ATP9A: variants seen among roughly 807,000 people sequenced by gnomAD.
ATP9A encodes the protein ATPase phospholipid transporting 9A, also known as probable phospholipid-transporting ATPase IIA.
Under a neutral mutation model 144.1 loss-of-function variants are expected in ATP9A, and 52 were observed. The observed-to-expected ratio is 0.36, with a 90% CI of 0.29 to 0.45. ATP9A has a LOEUF of 0.45. ATP9A is among the 20% of genes least tolerant of loss of function. The pLI, the probability that ATP9A is intolerant of heterozygous loss-of-function variation, is 1.00. For missense variants in ATP9A, 947 were observed against 1,392.7 expected (o/e 0.68, Z 5.09); for synonymous variants, 582 against 557.4 (o/e 1.04, Z -0.62).
rs193227091 is a variant in ATP9A at position 51,684,846 on chromosome 20, T to A, written c.799+4218A>T. On this transcript the variant is annotated intron_variant, in intron 9 of 27. Coordinates refer to ENST00000338821, the MANE Select transcript of ATP9A (RefSeq NM_006045.3). ...TAACAAGGTGAAACCCCGTCTCTAC[T>A]AAAAACACAAAAAAATTAGCCTGGC... 7.5e-4 allele frequency among the ~76,000 whole-genome samples: 113 copies of A among 149,740 alleles called. 1 individual carries two copies. The highest frequency in any genetic ancestry group is 2.7e-3 in the African/African-American group (110 of 40,764).
intron 11 of ATP9A, 37 bp from the exon 12 acceptor site, chr20:51,671,294 A>G (rs576367785): frequency 6.2e-7 from 1 of 1,602,982 alleles, no homozygotes; most frequent in Non-Finnish European, 8.5e-7. Context: ...CTAACAGGAC[A>G]GATGTAAGGC....
chr20:51,669,779 T>C (rs1158815243), intron 13 of ATP9A, among the ~76,000 whole-genome samples: 1 of 152,010 alleles, frequency 6.6e-6, no homozygotes, highest in Admixed American at 6.6e-5. Flanking sequence ...AAGGGAGGTA[T>C]TGGGGAGTGA....
chr20:51,667,675 G>A (rs1056477873), intron 13 of ATP9A, among the ~76,000 whole-genome samples: 13 of 152,080 alleles, frequency 8.5e-5, no homozygotes, highest in Admixed American at 1.3e-4. Context: ...AAGGAAAGCC[G>A]GGCAGCTACT....
At chr20:51,756,687 G>A (rs1174773135) in intron 1 of ATP9A, among the ~76,000 whole-genome samples, 1 of 152,114 alleles carries the variant, frequency 6.6e-6, no homozygotes, top group Admixed American at 6.6e-5. Flanking sequence ...CCTCTTTAAA[G>A]GCCCCCTGTC....
chr20:51,603,393 G>A (rs2077150565), intron 27 of ATP9A, among the ~76,000 whole-genome samples: 1 of 152,144 alleles, frequency 6.6e-6, no homozygotes, highest in Non-Finnish European at 1.5e-5. Flanking sequence ...TCTATCCACA[G>A]CACAACACAG....
chr20:51,673,793 C>A (rs1383951338), intron 11 of ATP9A, among the ~76,000 whole-genome samples: 13 of 152,046 alleles, frequency 8.6e-5, no homozygotes, highest in Admixed American at 8.5e-4. Flanking sequence ...CTCACACCTA[C>A]AATCCCAGTA....
intron 1 of ATP9A, among the ~76,000 whole-genome samples, chr20:51,763,176 A>T (rs1027523861): frequency 5.3e-5 from 8 of 152,242 alleles, no homozygotes; most frequent in Non-Finnish European, 7.4e-5. Context: ...GTTGCCTGGG[A>T]CTGGGGCAAG....
At chr20:51,737,137 C>T (rs2077766178) in intron 1 of ATP9A, among the ~76,000 whole-genome samples, 1 of 152,224 alleles carries the variant, frequency 6.6e-6, no homozygotes, top group South Asian at 2.1e-4. Flanking sequence ...CCAGGCCTGT[C>T]TGATCCAGAC....
At chr20:51,662,103 G>C (rs1380282463) in intron 13 of ATP9A, among the ~76,000 whole-genome samples, 3 of 152,204 alleles carry the variant, frequency 2.0e-5, no homozygotes, top group Non-Finnish European at 4.4e-5. Context: ...CCAATAATGA[G>C]AAGCCTGACA....
chr20:51,611,599 G>C lies in ATP9A; in HGVS notation c.2572-1434C>G, dbSNP rs1346475936. Among the ~76,000 whole-genome samples, 1 of 152,178 alleles carries C rather than the reference G, an allele frequency of 6.6e-6. No individual in the cohort carries two copies. Among genetic ancestry groups the C allele is most frequent in the African/African-American group, 2.4e-5 (1 of 41,438 alleles). Reference sequence around the variant, plus strand: ...ACAGGGGTTAAAGGCATTTTCTTTAGCACAAAGAACAATGCCTCATCCTGG... The same window carrying C: ...ACAGGGGTTAAAGGCATTTTCTTTACCACAAAGAACAATGCCTCATCCTGG... On this transcript the variant is annotated intron_variant, in intron 23 of 27. Transcript: ENST00000338821. The surrounding 1 kb of genome is among the most constrained non-coding windows in gnomAD (Gnocchi z 4.2).
intron 3 of ATP9A, among the ~76,000 whole-genome samples, chr20:51,725,331 A>T (rs2077707657): frequency 6.6e-6 from 1 of 152,124 alleles, no homozygotes; most frequent in Non-Finnish European, 1.5e-5. Flanking sequence ...CATGTTGCCC[A>T]GGCTGGTCTC....
chr20:51,687,313 T>C (rs184388400), intron 9 of ATP9A, among the ~76,000 whole-genome samples: 2 of 152,282 alleles, frequency 1.3e-5, no homozygotes, highest in Non-Finnish European at 2.9e-5. Flanking sequence ...AAATAAAATG[T>C]AGCAGAAAAA....
At chr20:51,749,224 G>C (rs1382082886) in intron 1 of ATP9A, among the ~76,000 whole-genome samples, 2 of 152,048 alleles carry the variant, frequency 1.3e-5, no homozygotes. Flanking sequence ...TTTCAAAAAG[G>C]GAATGAAGAA....
chr20:51,653,253 T>C (rs970071519), intron 14 of ATP9A, among the ~76,000 whole-genome samples: 2 of 151,362 alleles, frequency 1.3e-5, no homozygotes, highest in Non-Finnish European at 2.9e-5. Context: ...GTGCAATTCA[T>C]CCACAGAAGA....
In ATP9A at chr20:51,620,752, G is replaced by A. The variant is rs182287974; in HGVS notation, c.2115+1322C>T. Among the ~76,000 whole-genome samples the A allele has an allele frequency of 1.8e-3, 272 of 152,240 alleles. 3 individuals are homozygous for A. Among genetic ancestry groups the A allele is most frequent in the Admixed American group, 3.9e-3 (60 of 15,292 alleles). On this transcript the variant is annotated intron_variant, in intron 19 of 27. Transcript: ENST00000338821. Reference sequence around the variant, plus strand: ...CAAAAAACCGGATACTCGATGGACTGCAAAAACGACACTGGTTCGTCACAC... The same window carrying A: ...CAAAAAACCGGATACTCGATGGACTACAAAAACGACACTGGTTCGTCACAC...
intron 11 of ATP9A, among the ~76,000 whole-genome samples, chr20:51,673,919 G>A (rs950251293): frequency 6.6e-6 from 1 of 151,912 alleles, no homozygotes; most frequent in African/African-American, 2.4e-5. Context: ...GCATGGTGGT[G>A]CATGCCTGTA....
chr20:51,755,995 A>G (rs1407786696), intron 1 of ATP9A, among the ~76,000 whole-genome samples: 1 of 152,164 alleles, frequency 6.6e-6, no homozygotes, highest in African/African-American at 2.4e-5. Flanking sequence ...TATTCATGAC[A>G]TTAATTTCAA....
chr20:51,763,109 C>T (rs1318973822), intron 1 of ATP9A, among the ~76,000 whole-genome samples: 1 of 152,012 alleles, frequency 6.6e-6, no homozygotes, highest in Non-Finnish European at 1.5e-5. Flanking sequence ...GGTGTGATTC[C>T]ATTGATAGAC....
chr20:51,639,221 C>A, intron 15 of ATP9A, 122 bp downstream of exon 15: 1 of 1,102,720 alleles, frequency 9.1e-7, no homozygotes, highest in Non-Finnish European at 1.3e-6. Context: ...ATTATATTCC[C>A]TTGTTAGTCT....
Sources: allele counts gnomAD v4.1 joint callset (sites outside exome capture counted in the v4.1 genomes callset), GRCh38; gene constraint gnomAD v4.1.1; non-coding constraint Gnocchi (gnomAD v3.1); transcripts MANE v1.5; gene names NCBI Gene and HGNC (gene_info 2026-07-23, HGNC 2026-07-21).